USP34: variants seen among roughly 807,000 people sequenced by gnomAD.
USP34 encodes ubiquitin specific peptidase 34.
A neutral mutation model predicts 460.3 loss-of-function variants in USP34; 70 were observed. That is an observed-to-expected ratio of 0.15 (90% CI 0.13 to 0.19). USP34 has a LOEUF of 0.19. Among genes scored for constraint, USP34 ranks in the 10% least tolerant of loss-of-function variants. The pLI is 1.00. For missense variants in USP34, 3,985 were observed against 4,236.2 expected (o/e 0.94, Z 1.65); for synonymous variants, 1,647 against 1,405.3 (o/e 1.17, Z -3.85).
intron 5 of USP34, among the ~76,000 whole-genome samples, chr2:61,387,764 T>TA (rs1213534262): frequency 3.4e-5 from 5 of 145,454 alleles, no homozygotes; most frequent in South Asian, 2.2e-4. Flanking sequence ...TACACACATG[T>TA]AAAATATATT....
intron 75 of USP34, 158 bp from the exon 76 acceptor site, chr2:61,193,138 G>C: frequency 1.7e-6 from 1 of 589,174 alleles, no homozygotes; most frequent in East Asian, 3.0e-5. Context: ...CCAATGTTTA[G>C]TGAAATATCT....
At chr2:61,330,812 A>C (rs1305022674) in intron 20 of USP34, among the ~76,000 whole-genome samples, 1 of 152,194 alleles carries the variant, frequency 6.6e-6, no homozygotes, top group Non-Finnish European at 1.5e-5. Flanking sequence ...GAAAATATTA[A>C]TGATATACCA....
intron 62 of USP34, among the ~76,000 whole-genome samples, chr2:61,226,008 G>A (rs1385329330): frequency 2.0e-5 from 3 of 152,094 alleles, no homozygotes; most frequent in Non-Finnish European, 4.4e-5. Flanking sequence ...AAACTGGACT[G>A]TAATGGCTAT....
At chr2:61,453,720 A>G (rs1695350653) in intron 1 of USP34, among the ~76,000 whole-genome samples, 1 of 150,014 alleles carries the variant, frequency 6.7e-6, no homozygotes. Flanking sequence ...ATCTCAAAAA[A>G]AAAAAAAAAA....
chr2:61,336,681 A>G, intron 18 of USP34, among the ~76,000 whole-genome samples: 1 of 151,646 alleles, frequency 6.6e-6, no homozygotes, highest in Admixed American at 6.6e-5. Flanking sequence ...GTGGTGGTGC[A>G]CACCTACATT....
At chr2:61,309,995 A>T (rs1477601495) in intron 27 of USP34, among the ~76,000 whole-genome samples, 1 of 152,096 alleles carries the variant, frequency 6.6e-6, no homozygotes, top group African/African-American at 2.4e-5. Context: ...TGTTTCACAA[A>T]ACTAAATAAA....
intron 8 of USP34, among the ~76,000 whole-genome samples, chr2:61,375,693 T>C (rs987254230): frequency 7.1e-6 from 1 of 140,846 alleles, no homozygotes; most frequent in African/African-American, 2.7e-5. Context: ...GGCGTGAATC[T>C]GGGAGGCGGA....
At chr2:61,407,628 C>T (rs1370051419) in intron 2 of USP34, among the ~76,000 whole-genome samples, 1 of 152,152 alleles carries the variant, frequency 6.6e-6, no homozygotes, top group East Asian at 1.9e-4. Flanking sequence ...GTAGACGGAA[C>T]TCACTTCTAG....
In USP34 at chr2:61,380,330, G is replaced by C. The variant is rs765855409; in HGVS notation, c.853C>G (p.Arg285Gly). The C allele has an allele frequency of 6.2e-7, 1 of 1,612,952 alleles. No homozygotes were observed. The highest frequency in any genetic ancestry group is 8.5e-7 in the Non-Finnish European group (1 of 1,179,382). ...YLCKLSDQEL[R>G]QSAARNMADL... ...GCCATGTTACGAGCTGCACTCTGTC[G>C]TAACTCCTGATCCGAGAGCTTGCAT... The change falls in exon 7 of 80, where the codon CGA becomes GGA. Residue 285 changes from arginine to glycine, a missense_variant. Physicochemically the swap from Arg to Gly is moderately radical, Grantham distance 125 (BLOSUM62 -2). Around this residue, in one of 14 missense-constraint regions of USP34, gnomAD observed 70 missense variants for 109.5 expected, o/e 0.64. Coordinates refer to ENST00000398571, the MANE Select transcript of USP34 (RefSeq NM_014709.4).
At chr2:61,413,516 G>C (rs889626947) in intron 2 of USP34, among the ~76,000 whole-genome samples, 1 of 144,974 alleles carries the variant, frequency 6.9e-6, no homozygotes, top group Non-Finnish European at 1.5e-5. Context: ...AGACCAGCCT[G>C]GGCAACATGG....
chr2:61,243,088 C>T (rs1166760998), intron 51 of USP34, among the ~76,000 whole-genome samples: 1 of 151,918 alleles, frequency 6.6e-6, no homozygotes, highest in Non-Finnish European at 1.5e-5. Flanking sequence ...TCAAGCAATC[C>T]GCCCGCCTCA....
At chr2:61,340,103 AAATACTTG>A (rs1276515400) in intron 16 of USP34, among the ~76,000 whole-genome samples, 2 of 152,042 alleles carry the variant, frequency 1.3e-5, no homozygotes, top group Non-Finnish European at 2.9e-5. Context: ...AACTGTACAT[AAATACTTG>A]AAACTAAGTG....
At chr2:61,252,575 A>C (rs949780666) in intron 48 of USP34, among the ~76,000 whole-genome samples, 19 of 152,262 alleles carry the variant, frequency 1.2e-4, no homozygotes, top group Non-Finnish European at 2.4e-4. Context: ...GAATTTATTT[A>C]AACCAAGAAC....
intron 10 of USP34, among the ~76,000 whole-genome samples, chr2:61,365,927 A>G (rs989641003): frequency 7.6e-6 from 1 of 131,958 alleles, no homozygotes; most frequent in African/African-American, 2.7e-5. Flanking sequence ...CTGAAAGACT[A>G]AAATGACTGG....
intron 1 of USP34, among the ~76,000 whole-genome samples, chr2:61,437,814 T>TAAATAAAA (rs1191482540): frequency 1.9e-4 from 28 of 150,114 alleles, no homozygotes; most frequent in African/African-American, 6.6e-4. Context: ...AATAAATAAA[T>TAAATAAAA]AAAAAACCTG....
At chr2:61,202,373 C>T (rs1687000481) in intron 75 of USP34, among the ~76,000 whole-genome samples, 1 of 152,076 alleles carries the variant, frequency 6.6e-6, no homozygotes, top group Non-Finnish European at 1.5e-5. Context: ...GGAGAGGATC[C>T]TGGCCCATCC....
At chr2:61,335,204 C>T (rs780860647) in intron 18 of USP34, among the ~76,000 whole-genome samples, 52 of 152,190 alleles carry the variant, frequency 3.4e-4, no homozygotes, top group Non-Finnish European at 6.8e-4. Context: ...AAATATAAAA[C>T]TCGTTCCAAT....
chr2:61,344,508 T>A (rs1172591105), intron 15 of USP34, among the ~76,000 whole-genome samples: 2 of 152,128 alleles, frequency 1.3e-5, no homozygotes, highest in African/African-American at 4.8e-5. Context: ...TTACCGGACA[T>A]AAAGACAAAA....
intron 1 of USP34, among the ~76,000 whole-genome samples, chr2:61,453,409 G>A (rs780636517): frequency 2.0e-5 from 3 of 150,374 alleles, no homozygotes; most frequent in Non-Finnish European, 4.4e-5. Context: ...GTAAGACCCT[G>A]TCTCAAAAAA....
Sources: allele counts gnomAD v4.1 joint callset (sites outside exome capture counted in the v4.1 genomes callset), GRCh38; gene constraint gnomAD v4.1.1; regional missense constraint gnomAD v4.1.1; transcripts MANE v1.5; gene names NCBI Gene and HGNC (gene_info 2026-07-23, HGNC 2026-07-21).